The following PCDH7 variants were observed in gnomAD, a reference collection of about 807,000 sequenced individuals.
PCDH7 encodes the protein protocadherin 7.
PCDH7 carries 17 observed loss-of-function variants against 58.9 expected under a neutral mutation model. The ratio of observed to expected loss-of-function variants is 0.29; its 90% CI spans 0.20 to 0.43. The LOEUF (loss-of-function observed/expected upper bound fraction) is 0.43, where lower values mean the gene tolerates loss of function less well. Ranked by LOEUF, PCDH7 falls within the 20% of genes least tolerant of loss-of-function variation. The pLI, the probability that PCDH7 is intolerant of heterozygous loss-of-function variation, is 1.00. For synonymous variants in PCDH7, 664 were observed against 616.4 expected (o/e 1.08, Z -1.14); for missense variants, 1,274 against 1,441.0 (o/e 0.88, Z 1.88).
At position 30,964,424 on chromosome 4, in the gene PCDH7, G is replaced by T. The variant is rs139064614; in HGVS notation, c.*7+14209G>T. On this transcript the variant is annotated intron_variant, in intron 3 of 3. Coordinates refer to the PCDH7 transcript ENST00000509759. ...GCCCCACTAATTTTTTGTATTTTTA[G>T]TAGAGACGGGGTTTCACCGTGTTAG... is the stretch of plus-strand genomic sequence containing the variant. 2.0e-3 allele frequency among the ~76,000 whole-genome samples: 309 copies of T among 151,894 alleles called. 1 individual carries two copies. Among genetic ancestry groups the T allele is most frequent in the African/African-American group, 6.4e-3 (267 of 41,442 alleles).
At chr4:30,867,754 A>G (rs1364723303) in intron 1 of PCDH7, among the ~76,000 whole-genome samples, 1 of 152,096 alleles carries the variant, frequency 6.6e-6, no homozygotes, top group Non-Finnish European at 1.5e-5. Flanking sequence ...TGTCACTCAT[A>G]TGGATCACCT....
intron 1 of PCDH7, among the ~76,000 whole-genome samples, chr4:30,818,139 G>A (rs144992247): frequency 7.1e-4 from 108 of 152,210 alleles, no homozygotes; most frequent in African/African-American, 2.3e-3. Context: ...CCTTGAGGTC[G>A]TCTTAGCAGT....
chr4:31,079,355 T>G lies in PCDH7; in HGVS notation c.*8-63118T>G, dbSNP rs1169167404. Among the ~76,000 whole-genome samples, 16 of 91,208 alleles carry G rather than the reference T, an allele frequency of 1.8e-4. 1 individual carries two copies. Among genetic ancestry groups the G allele is most frequent in the South Asian group, 1.0e-3 (3 of 2,892 alleles). 59.8% of individuals were successfully genotyped at this position (91,208 alleles called of 152,430 possible). ...ATATATATATATATATATATATATA[T>G]ATATATATACACCACATTTTCAAAA... is the stretch of plus-strand genomic sequence containing the variant. On this transcript the variant is annotated intron_variant, in intron 3 of 3. Transcript: ENST00000509759.
intron 3 of PCDH7, among the ~76,000 whole-genome samples, chr4:31,017,226 T>C (rs956026927): frequency 6.6e-6 from 1 of 152,190 alleles, no homozygotes; most frequent in East Asian, 1.9e-4. Flanking sequence ...TTTAATTCTA[T>C]CTTTTGGATT....
chr4:30,900,026 T>C (rs539677885), intron 1 of PCDH7, among the ~76,000 whole-genome samples: 2 of 152,350 alleles, frequency 1.3e-5, no homozygotes, highest in East Asian at 3.8e-4. Flanking sequence ...TTTGTTTTCC[T>C]AAAACCATAT....
chr4:31,088,844 G>C (rs1560213828), intron 3 of PCDH7, among the ~76,000 whole-genome samples: 1 of 151,996 alleles, frequency 6.6e-6, no homozygotes, highest in Admixed American at 6.6e-5. Context: ...CTACGTAGTA[G>C]AGTGTAATAA....
Position 30,722,395 on chromosome 4 carries a change from A to C in PCDH7, c.973A>C (p.Thr325Pro), listed in dbSNP as rs1269914734. Residue 325 changes from threonine to proline, a missense_variant, in exon 1 of 2, where the codon ACC (threonine) becomes CCC (proline). Physicochemically the swap from Thr to Pro is conservative, Grantham distance 38. This residue lies in a region of PCDH7 where 331 missense variants were observed against 303.2 expected (regional missense o/e 1.09). Transcript: ENST00000361762. This position sits in a 1 kb window ranked among gnomAD's most constrained non-coding sequence, Gnocchi z 7.6. ...CTTGGCTGAGAACAGCGCCCCGGGG[A>C]CCCCCATCCTGCAACTGCGCGCAGC... 3.1e-6 allele frequency: 5 copies of C among 1,612,426 alleles called. No homozygotes were observed. Among genetic ancestry groups the C allele is most frequent in the Non-Finnish European group, 4.2e-6 (5 of 1,179,860 alleles).
intron 3 of PCDH7, among the ~76,000 whole-genome samples, chr4:31,131,018 AC>A: frequency 6.6e-6 from 1 of 152,276 alleles, no homozygotes; most frequent in East Asian, 1.9e-4. Flanking sequence ...TAGGATGCAT[AC>A]ATTTTTGGAG....
At position 30,927,619 on chromosome 4, in the gene PCDH7, G is replaced by A. The variant is rs918561188; in HGVS notation, c.287+7250G>A. Among the ~76,000 whole-genome samples, 5 of 152,104 alleles carry A rather than the reference G, an allele frequency of 3.3e-5. No individual in the cohort carries two copies. In the East Asian group the frequency reaches 7.7e-4, roughly 24 times the overall value. ...ACTCAGGGTTAAATGGATTAAGGGC[G>A]GTGCAAGATGTGCTTTGTTAAACAG... On this transcript the variant is annotated intron_variant, in intron 2 of 3. Coordinates refer to the PCDH7 transcript ENST00000509759.
chr4:30,995,016 T>G (rs368264010), intron 3 of PCDH7, among the ~76,000 whole-genome samples: 5 of 152,312 alleles, frequency 3.3e-5, no homozygotes, highest in South Asian at 2.1e-4. Context: ...GTATAATTTT[T>G]TATTGATTAC....
At chr4:30,794,236 T>A (rs1724504847) in intron 1 of PCDH7, among the ~76,000 whole-genome samples, 1 of 152,204 alleles carries the variant, frequency 6.6e-6, no homozygotes, top group African/African-American at 2.4e-5. Flanking sequence ...CTCCTGAAGG[T>A]GTTTTTCTCT....
At chr4:31,063,295 A>G (rs1249636112) in intron 3 of PCDH7, among the ~76,000 whole-genome samples, 1 of 151,898 alleles carries the variant, frequency 6.6e-6, no homozygotes. Context: ...ACTTTAATAC[A>G]TGCAGGTATA....
At chr4:30,872,187 A>T (rs1422599121) in intron 1 of PCDH7, among the ~76,000 whole-genome samples, 1 of 152,102 alleles carries the variant, frequency 6.6e-6, no homozygotes, top group Non-Finnish European at 1.5e-5. Context: ...GCTTATTAAT[A>T]GATTAAATAT....
intron 1 of PCDH7, chr4:30,724,941 T>G (rs1577542852): frequency 9.5e-7 from 1 of 1,054,398 alleles, no homozygotes; most frequent in East Asian, 7.8e-5. Flanking sequence ...AGTTTTCACC[T>G]GAAATTATTT....
At chr4:30,758,557 T>C (rs763851218) in intron 1 of PCDH7, among the ~76,000 whole-genome samples, 3 of 152,150 alleles carry the variant, frequency 2.0e-5, no homozygotes, top group African/African-American at 4.8e-5. Context: ...GCCATACATA[T>C]ATATTTGAGG....
At chr4:31,092,182 G>A (rs754271094) in intron 3 of PCDH7, among the ~76,000 whole-genome samples, 1 of 152,070 alleles carries the variant, frequency 6.6e-6, no homozygotes, top group African/African-American at 2.4e-5. Context: ...AGTCTAAAAT[G>A]TACGTATTTC....
downstream of PCDH7, chr4:31,145,431 A>T (rs1292477792): frequency 1.3e-5 from 2 of 151,968 alleles, no homozygotes; most frequent in African/African-American, 4.8e-5. Context: ...ATCTGGTGCC[A>T]CTCCATATAT....
intron 3 of PCDH7, among the ~76,000 whole-genome samples, chr4:30,962,538 G>A (rs373298597): frequency 2.0e-4 from 30 of 152,134 alleles, no homozygotes; most frequent in African/African-American, 6.7e-4. Flanking sequence ...TATAATCCCA[G>A]CATTTTGGAA....
At chr4:30,995,620 C>G (rs986857334) in intron 3 of PCDH7, among the ~76,000 whole-genome samples, 1 of 152,094 alleles carries the variant, frequency 6.6e-6, no homozygotes, top group African/African-American at 2.4e-5. Flanking sequence ...TATTATCTTA[C>G]AGTTCTGGAG....
Sources: allele counts gnomAD v4.1 joint callset (sites outside exome capture counted in the v4.1 genomes callset), GRCh38; gene constraint gnomAD v4.1.1; regional missense constraint gnomAD v4.1.1; non-coding constraint Gnocchi (gnomAD v3.1); transcripts MANE v1.5; gene names NCBI Gene and HGNC (gene_info 2026-07-23, HGNC 2026-07-21).